Variants in ZNF827 observed in about 807,000 individuals in gnomAD.
ZNF827 encodes zinc finger protein 827.
In ZNF827, 13 loss-of-function variants were observed where a neutral mutation model predicts 102.4. That is an observed-to-expected ratio of 0.13 (90% CI 0.08 to 0.20). The LOEUF (loss-of-function observed/expected upper bound fraction) is 0.20. Among genes scored for constraint, ZNF827 ranks in the 10% least tolerant of loss-of-function variants. The pLI is 1.00. For missense variants in ZNF827, 1,103 were observed against 1,344.4 expected, an observed-to-expected ratio of 0.82 and a Z score of 2.81; for synonymous variants, 523 against 536.2, an observed-to-expected ratio of 0.98 and a Z score of 0.34.
In ZNF827 at chr4:145,902,398, T is replaced by G; in HGVS notation, c.861A>C (p.Ser287=). ...CGGCCACCTCCTTCAGAAGGGCCGC[T>G]GAGGAGGTCATAGAAGCCAGGGAAA... The part of the protein sequence containing the change: ...SFLSLASMTS[S]AALLKEVAAR... The change falls in exon 2 of 15, where the codon TCA becomes TCC. Residue 287 remains serine, a synonymous_variant. Coordinates refer to ENST00000508784, the MANE Select transcript of ZNF827 (RefSeq NM_001306215.2). This position sits in a 1 kb window ranked among gnomAD's most constrained non-coding sequence, Gnocchi z 4.3. 1 of 1,614,074 alleles carries G rather than the reference T, an allele frequency of 6.2e-7. No homozygotes were observed. The highest frequency in any genetic ancestry group is 8.5e-7 in the Non-Finnish European group (1 of 1,180,014).
At position 145,902,825 on chromosome 4, in the gene ZNF827, T is replaced by C; in HGVS notation, c.434A>G (p.Glu145Gly). The change falls in exon 2 of 15, where the codon GAG becomes GGG. Residue 145 changes from glutamate (E) to glycine (G), a missense_variant. Coordinates refer to ENST00000508784, the MANE Select transcript of ZNF827 (RefSeq NM_001306215.2). The surrounding 1 kb of genome is among the most constrained non-coding windows in gnomAD (Gnocchi z 4.3). ...DAAATANGRV[E>G]SPVNVGSNLS... is the part of the protein sequence containing the mutation. The stretch of plus-strand genomic sequence containing the variant: ...GTTCGAGCCAACGTTTACGGGGGAC[T>C]CCACTCTGCCATTAGCCGTGGCTGC... The C allele has an allele frequency of 6.2e-7, 1 of 1,614,114 alleles. No individual in the cohort carries two copies. The highest frequency in any genetic ancestry group is 8.5e-7 in the Non-Finnish European group (1 of 1,180,002).
rs1027733236 is a variant in ZNF827, at chr4:145,761,024, C to T, written c.*592G>A. 4.9e-5 allele frequency: 63 copies of T among 1,281,522 alleles called. No individual in the cohort carries two copies. The highest frequency in any genetic ancestry group is 5.9e-5 in the Non-Finnish European group (58 of 983,620). 79.4% of individuals were successfully genotyped at this position (1,281,522 alleles called of 1,614,324 possible). A position where few individuals can be genotyped will look rare whatever the true frequency, so the allele number is the denominator to read the frequency against. ...GCCAGGTTGGGCTCTGAGCTGCTGC[C>T]GTGGGCTGCCGACAGGGCCACGGTC... is the stretch of plus-strand genomic sequence containing the variant. On this transcript the variant is annotated 3_prime_UTR_variant, in exon 15 of 15. Transcript: ENST00000508784. The surrounding 1 kb of genome is among the most constrained non-coding windows in gnomAD (Gnocchi z 6.8).
chr4:145,811,789 G>C (rs1242181729), intron 8 of ZNF827, among the ~76,000 whole-genome samples: 1 of 152,154 alleles, frequency 6.6e-6, no homozygotes, highest in Non-Finnish European at 1.5e-5. Flanking sequence ...GCCTGATTGG[G>C]ATCAAAATAT....
intron 4 of ZNF827, among the ~76,000 whole-genome samples, chr4:145,885,030 A>G (rs952801955): frequency 3.3e-5 from 5 of 152,122 alleles, no homozygotes; most frequent in African/African-American, 9.7e-5. Flanking sequence ...ATGGGGGTCA[A>G]TGGTTTGCAC....
chr4:145,766,437 AGAGACAGGAAACAAAAGAGGTGAGCC>A (rs1418435234), intron 11 of ZNF827, among the ~76,000 whole-genome samples: 1 of 152,210 alleles, frequency 6.6e-6, no homozygotes, highest in Non-Finnish European at 1.5e-5. Context: ...GTGGCCCCTG[AGAGACAGGAAACAAAAGAGGTGAGCC>A]ATATGACTGA....
intron 1 of ZNF827, among the ~76,000 whole-genome samples, chr4:145,937,558 C>G (rs896875776): frequency 6.8e-6 from 1 of 146,914 alleles, no homozygotes; most frequent in Non-Finnish European, 1.5e-5. Flanking sequence ...GCCCCCCGCC[C>G]GGCCGCCCCG....
intron 3 of ZNF827, among the ~76,000 whole-genome samples, chr4:145,886,718 C>T (rs541056781): frequency 4.6e-4 from 69 of 149,542 alleles, no homozygotes; most frequent in African/African-American, 1.5e-3. Context: ...ATGGATTGAG[C>T]GAAATTACAT....
intron 4 of ZNF827, among the ~76,000 whole-genome samples, chr4:145,881,035 A>G (rs1749617080): frequency 6.6e-6 from 1 of 152,238 alleles, no homozygotes. Context: ...AACAAAGGTA[A>G]AGCAAGATGG....
chr4:145,827,409 AT>A (rs1743797344), intron 7 of ZNF827, among the ~76,000 whole-genome samples: 1 of 152,184 alleles, frequency 6.6e-6, no homozygotes, highest in Non-Finnish European at 1.5e-5. Flanking sequence ...AGTAAAAATA[AT>A]TTTTGTCTTT....
At chr4:145,797,061 G>A (rs1158938199) in intron 8 of ZNF827, among the ~76,000 whole-genome samples, 1 of 152,156 alleles carries the variant, frequency 6.6e-6, no homozygotes, top group Non-Finnish European at 1.5e-5. Context: ...GGCGGTCGGG[G>A]GGCTTCCTGG....
At chr4:145,810,736 A>G (rs1287268856) in intron 8 of ZNF827, among the ~76,000 whole-genome samples, 2 of 152,100 alleles carry the variant, frequency 1.3e-5, no homozygotes, top group African/African-American at 4.8e-5. Flanking sequence ...AGATTCCTAC[A>G]GATCTCCTTC....
At chr4:145,772,162 C>A (rs1207220520) in intron 11 of ZNF827, among the ~76,000 whole-genome samples, 1 of 152,194 alleles carries the variant, frequency 6.6e-6, no homozygotes, top group African/African-American at 2.4e-5. Flanking sequence ...ACTTAGCATG[C>A]ACAAATGTGC....
intron 11 of ZNF827, chr4:145,770,958 T>C (rs926903570): frequency 1.3e-5 from 2 of 152,292 alleles, no homozygotes; most frequent in South Asian, 4.2e-4. Flanking sequence ...ACAGTGAGTA[T>C]TAATATCAAA....
At chr4:145,790,067 A>G (rs1477628969) in intron 8 of ZNF827, among the ~76,000 whole-genome samples, 2 of 152,240 alleles carry the variant, frequency 1.3e-5, no homozygotes, top group Non-Finnish European at 2.9e-5. Flanking sequence ...TGAGACCCTT[A>G]TAGTCTGTTC....
chr4:145,834,877 A>G (rs1744644971), intron 7 of ZNF827: 1 of 152,154 alleles, frequency 6.6e-6, no homozygotes, highest in Non-Finnish European at 1.5e-5. Context: ...CAAGGTGTAC[A>G]ATAATAGAAA....
In ZNF827 at chr4:145,765,508, G is replaced by A. The variant is rs781610994; in HGVS notation, c.3052+39C>T. 2 of 1,573,166 alleles carry A rather than the reference G, an allele frequency of 1.3e-6. No homozygotes were observed. The highest frequency in any genetic ancestry group is 1.4e-5 in the African/African-American group (1 of 73,894). ...TTCTCAAGAATGGGTCATCCTGGGT[G>A]CGGAGGGTTGAGCAGGCTCACACCC... is the stretch of plus-strand genomic sequence containing the variant. On this transcript the variant is annotated intron_variant, in intron 12 of 14. Coordinates refer to ENST00000508784, the MANE Select transcript of ZNF827 (RefSeq NM_001306215.2). The surrounding 1 kb of genome is among the most constrained non-coding windows in gnomAD (Gnocchi z 4.7).
chr4:145,888,275 T>A (rs953504848), intron 3 of ZNF827, among the ~76,000 whole-genome samples: 1 of 152,196 alleles, frequency 6.6e-6, no homozygotes, highest in Admixed American at 6.5e-5. Flanking sequence ...CTGACTGCAG[T>A]TTTTCCCCCT....
intron 4 of ZNF827, among the ~76,000 whole-genome samples, chr4:145,881,577 T>C (rs1211311189): frequency 6.6e-6 from 1 of 152,204 alleles, no homozygotes; most frequent in East Asian, 1.9e-4. Context: ...TGTAAGGCCG[T>C]TGCTGCAGGC....
chr4:145,819,360 T>TAACACATAATAACACATAATAACAC (rs1742920952), intron 8 of ZNF827, among the ~76,000 whole-genome samples: 6 of 152,182 alleles, frequency 3.9e-5, no homozygotes, highest in African/African-American at 9.7e-5. Context: ...TAACACAGAA[T>TAACACATAATAACACATAATAACAC]GGAAGCTCCA....
Sources: allele counts gnomAD v4.1 joint callset (sites outside exome capture counted in the v4.1 genomes callset), GRCh38; gene constraint gnomAD v4.1.1; non-coding constraint Gnocchi (gnomAD v3.1); transcripts MANE v1.5; gene names NCBI Gene and HGNC (gene_info 2026-07-23, HGNC 2026-07-21).